LARGE1: variants seen among roughly 807,000 people sequenced by gnomAD.
LARGE1 encodes xylosyl- and glucuronyltransferase LARGE1.
Under a neutral mutation model 87.6 loss-of-function variants are expected in LARGE1, and 43 were observed. That is an observed-to-expected ratio of 0.49 (90% CI 0.38 to 0.63). The LOEUF is 0.63. Ranked by LOEUF, LARGE1 falls within the 30% of genes least tolerant of loss-of-function variation. LARGE1 has a pLI of 0.00. For synonymous variants in LARGE1, 434 were observed against 394.6 expected (o/e 1.10, Z -1.18); for missense variants, 802 against 1,000.2 (o/e 0.80, Z 2.67).
At chr22:33,248,896 T>C (rs930386351) in intron 11 of LARGE1, among the ~76,000 whole-genome samples, 2 of 152,226 alleles carry the variant, frequency 1.3e-5, no homozygotes, top group Admixed American at 1.3e-4. Context: ...GCTCATTTCT[T>C]TTCAGAGCGG....
At chr22:33,525,999 T>A (rs1239180243) in intron 6 of LARGE1, among the ~76,000 whole-genome samples, 1 of 152,168 alleles carries the variant, frequency 6.6e-6, no homozygotes, top group Non-Finnish European at 1.5e-5. Flanking sequence ...CATAGCAACA[T>A]TACTCATGGT....
chr22:33,839,425 T>C (rs2063204417), intron 1 of LARGE1, among the ~76,000 whole-genome samples: 1 of 152,184 alleles, frequency 6.6e-6, no homozygotes, highest in African/African-American at 2.4e-5. Flanking sequence ...CACTGCAACA[T>C]GAGATTTGGA....
At chr22:33,494,237 T>C (rs933134733) in intron 6 of LARGE1, among the ~76,000 whole-genome samples, 7 of 152,226 alleles carry the variant, frequency 4.6e-5, no homozygotes, top group South Asian at 4.1e-4. Flanking sequence ...TTTCCACTTA[T>C]AGGTTATTGG....
intron 12 of LARGE1, among the ~76,000 whole-genome samples, chr22:33,299,241 G>C (rs1007501665): frequency 5.3e-5 from 8 of 150,608 alleles, no homozygotes; most frequent in African/African-American, 2.0e-4. Flanking sequence ...ATGAATTAAA[G>C]AGAGAAAATG....
chr22:33,593,166 G>C (rs55874900), intron 5 of LARGE1, among the ~76,000 whole-genome samples: 1 of 150,136 alleles, frequency 6.7e-6, no homozygotes, highest in Non-Finnish European at 1.5e-5. Flanking sequence ...ATTTTTTTAA[G>C]TCTATTTATT....
intron 1 of LARGE1, among the ~76,000 whole-genome samples, chr22:33,862,009 C>A (rs1234235828): frequency 6.6e-6 from 1 of 151,966 alleles, no homozygotes; most frequent in Non-Finnish European, 1.5e-5. Context: ...CAGGCACGCG[C>A]CACCATGCCC....
intron 4 of LARGE1, 139 bp from the exon 5 acceptor site, chr22:33,604,697 G>A (rs1056588721): frequency 2.3e-5 from 27 of 1,167,870 alleles, no homozygotes; most frequent in Non-Finnish European, 3.2e-5. Context: ...GGAATGTTAC[G>A]AAAACAGTGC....
At chr22:33,432,342 G>C (rs2067108641) in intron 6 of LARGE1, 77 bp from the exon 7 acceptor site, 5 of 1,066,492 alleles carry the variant, frequency 4.7e-6, no homozygotes, top group South Asian at 2.6e-5. Context: ...GAAGACACAG[G>C]GTAATGGCAA....
chr22:33,510,440 G>C (rs894770473), intron 6 of LARGE1, among the ~76,000 whole-genome samples: 1 of 152,198 alleles, frequency 6.6e-6, no homozygotes, highest in African/African-American at 2.4e-5. Context: ...GGTAAAATTG[G>C]AACCCAGGCT....
intron 7 of LARGE1, among the ~76,000 whole-genome samples, chr22:33,397,837 AGGTCTACACTTTGT>A (rs2147279380): frequency 6.6e-6 from 1 of 152,340 alleles, no homozygotes; most frequent in Admixed American, 6.5e-5. Flanking sequence ...GCATTCGGTT[AGGTCTACACTTTGT>A]ATAGTGGTAT....
the LARGE1 span, among the ~76,000 whole-genome samples, chr22:33,137,662 G>A: frequency 1.3e-5 from 2 of 152,228 alleles, no homozygotes; most frequent in Non-Finnish European, 2.9e-5. Flanking sequence ...AAATGGTTTT[G>A]TGGGACAGGC....
At chr22:33,647,660 C>T (rs2080660666) in intron 3 of LARGE1, among the ~76,000 whole-genome samples, 2 of 152,194 alleles carry the variant, frequency 1.3e-5, no homozygotes, top group African/African-American at 4.8e-5. Flanking sequence ...TTTTGATAAC[C>T]TGCAGTGAAA....
At chr22:33,151,882 T>C in the LARGE1 span, among the ~76,000 whole-genome samples, 1 of 152,104 alleles carries the variant, frequency 6.6e-6, no homozygotes, top group East Asian at 1.9e-4. Context: ...TATTGGTTTG[T>C]AGTTTTCTTC....
the LARGE1 span, among the ~76,000 whole-genome samples, chr22:33,126,639 T>G: frequency 6.6e-6 from 1 of 152,242 alleles, no homozygotes; most frequent in African/African-American, 2.4e-5. Flanking sequence ...TCTCTGCAAC[T>G]CAACTTTCAC....
intron 2 of LARGE1, among the ~76,000 whole-genome samples, chr22:33,704,197 A>C (rs1454995853): frequency 6.6e-6 from 1 of 152,232 alleles, no homozygotes; most frequent in Admixed American, 6.5e-5. Context: ...TACTGTATAA[A>C]ACAAAGGAAT....
intron 11 of LARGE1, among the ~76,000 whole-genome samples, chr22:33,213,106 C>T (rs1287491246): frequency 2.0e-5 from 3 of 151,998 alleles, no homozygotes; most frequent in Non-Finnish European, 2.9e-5. Context: ...TATTCCAACC[C>T]TCAGGGATGA....
At chr22:33,705,493 A>G (rs539372503) in intron 2 of LARGE1, among the ~76,000 whole-genome samples, 5 of 150,516 alleles carry the variant, frequency 3.3e-5, no homozygotes, top group African/African-American at 1.0e-4. Context: ...TCATTCCAGC[A>G]TGGAACTAAG....
intron 9 of LARGE1, among the ~76,000 whole-genome samples, chr22:33,378,457 G>A (rs2065055173): frequency 6.6e-6 from 1 of 152,164 alleles, no homozygotes; most frequent in Admixed American, 6.5e-5. Context: ...TTTATGTGAG[G>A]TCTTTCTTCT....
At chr22:33,113,835 C>T in the LARGE1 span, among the ~76,000 whole-genome samples, 1 of 151,898 alleles carries the variant, frequency 6.6e-6, no homozygotes, top group Non-Finnish European at 1.5e-5. Context: ...GCCATATAGC[C>T]GTGTGCCTCA....
Sources: allele counts gnomAD v4.1 joint callset (sites outside exome capture counted in the v4.1 genomes callset), GRCh38; gene constraint gnomAD v4.1.1; transcripts MANE v1.5; gene names NCBI Gene and HGNC (gene_info 2026-07-23, HGNC 2026-07-21).